The following GNB4 variants were observed in gnomAD, a reference collection of about 807,000 sequenced individuals.
GNB4 encodes the protein guanine nucleotide-binding protein subunit beta-4.
In GNB4, 28 loss-of-function variants were observed where a neutral mutation model predicts 45.2. The ratio of observed to expected loss-of-function variants is 0.62; its 90% confidence interval spans 0.46 to 0.85. The LOEUF (loss-of-function observed/expected upper bound fraction) is 0.85. Among genes scored for constraint, GNB4 ranks in the 40% least tolerant of loss-of-function variants. The pLI is 0.00. For missense variants in GNB4, 321 were observed against 425.4 expected (o/e 0.75, Z 2.16); for synonymous variants, 132 against 143.7 (o/e 0.92, Z 0.58).
chr3:179,452,794 C>A (rs931258250), upstream of GNB4, among the ~76,000 whole-genome samples: 4 of 152,060 alleles, frequency 2.6e-5, no homozygotes, highest in Non-Finnish European at 5.9e-5. Context: ...GAAAGAAATG[C>A]CAAATATTCT....
At chr3:179,404,414 A>T (rs1186577884) in intron 9 of GNB4, among the ~76,000 whole-genome samples, 2 of 152,180 alleles carry the variant, frequency 1.3e-5, no homozygotes, top group Non-Finnish European at 2.9e-5. Context: ...TGTTATTTAG[A>T]GATATGTAAG....
the GNB4 span, among the ~76,000 whole-genome samples, chr3:179,502,504 A>G: frequency 6.6e-5 from 10 of 152,066 alleles, no homozygotes; most frequent in African/African-American, 2.2e-4. Context: ...AAGTGTTGGG[A>G]TTACAGGCAT....
chr3:179,434,332 GA>G lies in GNB4; in HGVS notation c.-42-8091del, dbSNP rs1203169803. Among the ~76,000 whole-genome samples the G allele has an allele frequency of 2.0e-5, 3 of 151,544 alleles. No homozygotes were observed. The East Asian group carries it at 5.8e-4, about 29-fold the overall frequency. On this transcript the variant is annotated intron_variant, in intron 1 of 9. Coordinates refer to ENST00000232564, the MANE Select transcript of GNB4 (RefSeq NM_021629.4). ...TAAATCTTTAAAATAATATTGGGAG[GA>G]AAAAAAAGCAAATTCCAGGAGACAC...
At chr3:179,402,873 C>G (rs1302367455) in intron 9 of GNB4, among the ~76,000 whole-genome samples, 1 of 152,162 alleles carries the variant, frequency 6.6e-6, no homozygotes, top group Non-Finnish European at 1.5e-5. Context: ...AGTCAGGTGA[C>G]AGATCATCCT....
chr3:179,499,874 GTCT>G, the GNB4 span, among the ~76,000 whole-genome samples: 2 of 152,138 alleles, frequency 1.3e-5, no homozygotes, highest in African/African-American at 4.8e-5. Context: ...CTGCATAAAT[GTCT>G]TCTTCTGAGA....
chr3:179,523,831 G>A, the GNB4 span, among the ~76,000 whole-genome samples: 7 of 152,224 alleles, frequency 4.6e-5, no homozygotes, highest in Middle Eastern at 3.4e-3. Context: ...CTAGGGAAAA[G>A]GGCGGCAATG....
the GNB4 span, among the ~76,000 whole-genome samples, chr3:179,506,785 C>G: frequency 6.6e-6 from 1 of 152,098 alleles, no homozygotes; most frequent in African/African-American, 2.4e-5. Flanking sequence ...GTTATTCTCT[C>G]TCTCATTTTT....
chr3:179,403,932 G>A (rs537479615), intron 9 of GNB4, among the ~76,000 whole-genome samples: 23 of 152,062 alleles, frequency 1.5e-4, no homozygotes, highest in African/African-American at 5.1e-4. Flanking sequence ...GATGATAATA[G>A]AGAAGAAATA....
chr3:179,482,611 C>T, the GNB4 span, among the ~76,000 whole-genome samples: 1,351 of 152,306 alleles, frequency 8.9e-3, 33 homozygotes, highest in African/African-American at 0.031. Flanking sequence ...TTCCTCTCTA[C>T]TAAGACGCTA....
chr3:179,473,538 C>A, the GNB4 span, among the ~76,000 whole-genome samples: 1 of 151,982 alleles, frequency 6.6e-6, no homozygotes. Context: ...TGGGCTCAAG[C>A]AAACTTCCCA....
At chr3:179,500,941 CT>C in the GNB4 span, among the ~76,000 whole-genome samples, 1 of 152,168 alleles carries the variant, frequency 6.6e-6, no homozygotes, top group Non-Finnish European at 1.5e-5. Flanking sequence ...TATCCTGAGA[CT>C]TTGCTGAAAT....
chr3:179,474,737 C>CTTTTTTTTTTTTTTTTTTTTTTTTTT, the GNB4 span, among the ~76,000 whole-genome samples: 2 of 59,726 alleles, frequency 3.3e-5, no homozygotes, highest in Non-Finnish European at 5.5e-5. Context: ...AGACTGGGTC[C>CTTTTTTTTTTTTTTTTTTTTTTTTTT]TTTTTTTTTT....
At chr3:179,409,822 A>G (rs1028257322) in intron 8 of GNB4, among the ~76,000 whole-genome samples, 1 of 116,144 alleles carries the variant, frequency 8.6e-6, no homozygotes, top group South Asian at 2.9e-4. Context: ...AAAAAAAACA[A>G]AAAAACAAAA....
intron 4 of GNB4, among the ~76,000 whole-genome samples, chr3:179,417,287 G>GT (rs1392946822): frequency 6.6e-6 from 1 of 152,146 alleles, no homozygotes. Context: ...AGTACAGTTT[G>GT]TGAGAAAATG....
intron 1 of GNB4, among the ~76,000 whole-genome samples, chr3:179,444,574 C>T (rs530540110): frequency 2.0e-5 from 3 of 152,042 alleles, no homozygotes; most frequent in East Asian, 1.9e-4. Flanking sequence ...TTCATCGGCA[C>T]GGTGGCATGC....
At chr3:179,451,617 G>C (rs748684607), upstream of GNB4, 1 of 151,182 alleles carries the variant, frequency 6.6e-6, no homozygotes, top group East Asian at 1.9e-4. Context: ...AGCGCGCGCA[G>C]CCCGGGCGGG....
intron 1 of GNB4, among the ~76,000 whole-genome samples, chr3:179,435,589 T>C (rs1246702855): frequency 6.6e-6 from 1 of 152,164 alleles, no homozygotes; most frequent in Non-Finnish European, 1.5e-5. Context: ...CAAAGTGGCA[T>C]TAACATCGCT....
Position 179,409,125 on chromosome 3 carries a change from T to TA in GNB4, c.700-3720dup, listed in dbSNP as rs35623624. Among the ~76,000 whole-genome samples the TA allele has an allele frequency of 7.0e-3, 935 of 134,154 alleles. 6 individuals are homozygous for TA. The highest frequency in any genetic ancestry group is 0.019 in the Middle Eastern group (5 of 268). 88.0% of individuals were successfully genotyped at this position (134,154 alleles called of 152,430 possible). A position where few individuals can be genotyped will look rare whatever the true frequency, so the allele number is the denominator to read the frequency against. On this transcript the variant is annotated intron_variant, in intron 8 of 9. Coordinates refer to ENST00000232564, the MANE Select transcript of GNB4 (RefSeq NM_021629.4). ...CAGCCTGGGTGACAGTGAAACCCAGTAAAAAAAAAAAAAAAAAATTATGGC... is the reference window on the plus strand; with the variant it reads ...CAGCCTGGGTGACAGTGAAACCCAGTAAAAAAAAAAAAAAAAAAATTATGGC...
the GNB4 span, among the ~76,000 whole-genome samples, chr3:179,487,920 G>A: frequency 3.9e-5 from 6 of 152,142 alleles, no homozygotes; most frequent in Admixed American, 6.5e-5. Context: ...GTGTGGTAGC[G>A]CATGCCTGTA....
Sources: allele counts gnomAD v4.1 joint callset (sites outside exome capture counted in the v4.1 genomes callset), GRCh38; gene constraint gnomAD v4.1.1; transcripts MANE v1.5; gene names NCBI Gene and HGNC (gene_info 2026-07-23, HGNC 2026-07-21).